The following OSBPL6 variants were observed in gnomAD, a reference collection of about 807,000 sequenced individuals.
The protein encoded by OSBPL6 is oxysterol-binding protein-related protein 6.
In OSBPL6, 49 loss-of-function variants were observed where a neutral mutation model predicts 125.8. The observed-to-expected ratio is 0.39, with a 90% CI of 0.31 to 0.49. The LOEUF (loss-of-function observed/expected upper bound fraction) is 0.49, where lower values mean the gene tolerates loss of function less well. Ranked by LOEUF, OSBPL6 falls within the 20% of genes least tolerant of loss-of-function variation. The probability of loss-of-function intolerance (pLI) is 0.88; values close to 1 mark genes in which losing one functional copy is unlikely to be tolerated. For synonymous variants in OSBPL6, 394 were observed against 391.8 expected, an observed-to-expected ratio of 1.01 and a Z score of -0.07; for missense variants, 986 against 1,135.4, an observed-to-expected ratio of 0.87 and a Z score of 1.89.
chr2:178,231,096 T>G lies in OSBPL6; in HGVS notation c.-351+36422T>G, dbSNP rs563799713. Reference sequence around the variant, plus strand: ...AAGAAAGGAGAGAGGAGAGCAGCTCTCTCTCTTGTGAGAGAAGGGTGTCCA... The same window carrying G: ...AAGAAAGGAGAGAGGAGAGCAGCTCGCTCTCTTGTGAGAGAAGGGTGTCCA... On this transcript the variant is annotated intron_variant, in intron 1 of 24. Coordinates refer to ENST00000190611, the MANE Select transcript of OSBPL6 (RefSeq NM_032523.4). Among the ~76,000 whole-genome samples the G allele has an allele frequency of 2.6e-5, 4 of 152,178 alleles. No individual in the cohort carries two copies. In the South Asian group the frequency reaches 8.3e-4, roughly 32 times the overall value.
chr2:178,307,878 C>T (rs1427283554), intron 3 of OSBPL6, among the ~76,000 whole-genome samples: 2 of 152,242 alleles, frequency 1.3e-5, no homozygotes, highest in African/African-American at 4.8e-5. Context: ...GTTATTCTGC[C>T]TGTTGCACCC....
chr2:178,329,567 C>T (rs182147824), intron 5 of OSBPL6, among the ~76,000 whole-genome samples: 12 of 152,002 alleles, frequency 7.9e-5, no homozygotes, highest in Non-Finnish European at 1.5e-4. Context: ...TACAGGCGCA[C>T]GCCACCACGC....
At chr2:178,375,742 A>G (rs1575008771) in intron 15 of OSBPL6, among the ~76,000 whole-genome samples, 3 of 152,250 alleles carry the variant, frequency 2.0e-5, no homozygotes, top group South Asian at 4.1e-4. Flanking sequence ...TTCTTTAGTC[A>G]GGTTACAGTC....
At chr2:178,263,512 G>A (rs779258604) in intron 1 of OSBPL6, among the ~76,000 whole-genome samples, 6 of 152,176 alleles carry the variant, frequency 3.9e-5, no homozygotes, top group Non-Finnish European at 8.8e-5. Flanking sequence ...GCTGGAAGAA[G>A]ATTTGCAATC....
At chr2:178,344,260 TC>T (rs769838848) in intron 11 of OSBPL6, 2 of 1,600,608 alleles carry the variant, frequency 1.2e-6, no homozygotes, top group African/African-American at 2.7e-5. Context: ...CTGTGTTTCC[TC>T]CCCTCTTCTC....
intron 3 of OSBPL6, among the ~76,000 whole-genome samples, chr2:178,310,834 C>G (rs544832542): frequency 6.6e-6 from 1 of 152,254 alleles, no homozygotes; most frequent in South Asian, 2.1e-4. Context: ...AGGAATCATC[C>G]TTTTGGTTCT....
chr2:178,351,597 A>G (rs994547670), intron 12 of OSBPL6, among the ~76,000 whole-genome samples: 7 of 152,232 alleles, frequency 4.6e-5, no homozygotes, highest in Non-Finnish European at 1.0e-4. Flanking sequence ...CAAATAAATG[A>G]AAGATATTCC....
chr2:178,313,316 G>T (rs190028362), intron 3 of OSBPL6, among the ~76,000 whole-genome samples: 1 of 152,322 alleles, frequency 6.6e-6, no homozygotes, highest in Non-Finnish European at 1.5e-5. Flanking sequence ...TGGAGCCAAT[G>T]ATTATTTTTA....
At chr2:178,209,281 T>C (rs2089715035) in intron 1 of OSBPL6, among the ~76,000 whole-genome samples, 1 of 152,094 alleles carries the variant, frequency 6.6e-6, no homozygotes, top group South Asian at 2.1e-4. Context: ...ATGTTTGCTG[T>C]CATATTTCTT....
intron 11 of OSBPL6, among the ~76,000 whole-genome samples, chr2:178,348,054 C>G (rs1302492921): frequency 2.0e-5 from 3 of 152,226 alleles, no homozygotes; most frequent in African/African-American, 7.2e-5. Context: ...TTCTTTCCAT[C>G]TCTTCCATGT....
intron 21 of OSBPL6, among the ~76,000 whole-genome samples, chr2:178,390,684 T>C (rs1695329924): frequency 6.6e-6 from 1 of 152,206 alleles, no homozygotes; most frequent in African/African-American, 2.4e-5. Context: ...AATTTGGCCA[T>C]TTATAGATAC....
At chr2:178,239,549 G>A (rs2091200083) in intron 1 of OSBPL6, among the ~76,000 whole-genome samples, 1 of 151,770 alleles carries the variant, frequency 6.6e-6, no homozygotes, top group Admixed American at 6.6e-5. Flanking sequence ...TAAAATAACA[G>A]TGAGACCCCT....
chr2:178,290,105 A>G (rs141219981), intron 2 of OSBPL6, among the ~76,000 whole-genome samples: 121 of 152,190 alleles, frequency 8.0e-4, no homozygotes, highest in African/African-American at 2.7e-3. Flanking sequence ...TGAATACATT[A>G]TGTCATTAGG....
At chr2:178,330,623 C>G (rs975132653) in intron 5 of OSBPL6, among the ~76,000 whole-genome samples, 1 of 152,190 alleles carries the variant, frequency 6.6e-6, no homozygotes, top group Non-Finnish European at 1.5e-5. Flanking sequence ...CACAGAAGGC[C>G]ACTGTACTTA....
At chr2:178,268,204 C>G (rs1039418498) in intron 1 of OSBPL6, among the ~76,000 whole-genome samples, 1 of 151,700 alleles carries the variant, frequency 6.6e-6, no homozygotes, top group Non-Finnish European at 1.5e-5. Context: ...GCCTCAGTCT[C>G]CCAAGTAGCT....
intron 2 of OSBPL6, among the ~76,000 whole-genome samples, chr2:178,305,636 C>T (rs1462413267): frequency 6.6e-6 from 1 of 152,218 alleles, no homozygotes; most frequent in South Asian, 2.1e-4. Flanking sequence ...ACATACATGA[C>T]ATAGCTAAAC....
intron 1 of OSBPL6, among the ~76,000 whole-genome samples, chr2:178,199,918 T>G (rs2153933292): frequency 6.6e-6 from 1 of 152,356 alleles, no homozygotes; most frequent in African/African-American, 2.4e-5. Context: ...AAGGCAGTGC[T>G]GTACTTCTAG....
Position 178,267,318 on chromosome 2 carries a change from C to T in OSBPL6, c.-350-17609C>T, listed in dbSNP as rs1432419588. Among the ~76,000 whole-genome samples the T allele has an allele frequency of 5.0e-5, 7 of 140,192 alleles. No homozygotes were observed. In the South Asian group the frequency reaches 9.0e-4, roughly 18 times the overall value. 92.0% of individuals were successfully genotyped at this position (140,192 alleles called of 152,430 possible). A position where few individuals can be genotyped will look rare whatever the true frequency, so the allele number is the denominator to read the frequency against. On this transcript the variant is annotated intron_variant, in intron 1 of 24. Coordinates refer to ENST00000190611, the MANE Select transcript of OSBPL6 (RefSeq NM_032523.4). The stretch of plus-strand genomic sequence containing the variant: ...GCAGTGAGCTGAGATCTTGCCACTG[C>T]ACTCCAGCCTGGGTGACAGAGTGAA...
At chr2:178,322,560 C>T (rs771836843) in intron 3 of OSBPL6, among the ~76,000 whole-genome samples, 1 of 152,074 alleles carries the variant, frequency 6.6e-6, no homozygotes, top group Non-Finnish European at 1.5e-5. Context: ...CTAATAATGA[C>T]ATGTTGATAA....
Sources: gnomAD v4.1 joint callset for allele counts (sites outside exome capture counted in the v4.1 genomes callset) on GRCh38, gnomAD v4.1.1 for gene constraint, MANE v1.5 for transcripts, NCBI Gene and HGNC (gene_info 2026-07-23, HGNC 2026-07-21) for gene names.